The following MBTPS1 variants were observed in gnomAD, a reference collection of about 807,000 sequenced individuals.
The protein encoded by MBTPS1 is membrane-bound transcription factor site-1 protease.
MBTPS1 carries 94 observed loss-of-function variants against 127.8 expected under a neutral mutation model. The ratio of observed to expected loss-of-function variants is 0.74; its 90% CI spans 0.62 to 0.87. MBTPS1 has a LOEUF of 0.87. Among genes scored for constraint, MBTPS1 ranks in the 40% least tolerant of loss-of-function variants. The probability of loss-of-function intolerance (pLI) is 0.00; values close to 1 mark genes in which losing one functional copy is unlikely to be tolerated. For synonymous variants in MBTPS1, 632 were observed against 509.4 expected (o/e 1.24, Z -3.24); for missense variants, 1,636 against 1,353.2 (o/e 1.21, Z -3.28).
chr16:84,067,773 C>T lies in MBTPS1; in HGVS notation c.2122G>A (p.Ala708Thr), dbSNP rs768994789. The T allele has an allele frequency of 6.2e-6, 10 of 1,614,040 alleles. No homozygotes were observed. The South Asian group carries it at 7.7e-5, about 12-fold the overall frequency. ...TTGTCCACGTCCCTCCGGAGCTTGG[C>T]GATCTCTTCAGGGAAGTACTCCTCC... is the stretch of plus-strand genomic sequence containing the variant. ...SEEEYFPEEI[A>T]KLRRDVDNGL... The change falls in exon 16 of 23, where the codon GCC (alanine) becomes ACC (threonine). Residue 708 changes from alanine to threonine, a missense_variant. Ala to Thr is a moderately conservative substitution (Grantham distance 58). Transcript: ENST00000343411.
At chr16:84,099,858 T>A (rs2151167840) in intron 2 of MBTPS1, among the ~76,000 whole-genome samples, 1 of 152,230 alleles carries the variant, frequency 6.6e-6, no homozygotes, top group African/African-American at 2.4e-5. Flanking sequence ...TGATATTTTT[T>A]TAAAAAGCAA....
chr16:84,079,424 G>A (rs945964008), intron 11 of MBTPS1, among the ~76,000 whole-genome samples: 3 of 152,036 alleles, frequency 2.0e-5, no homozygotes, highest in Admixed American at 6.6e-5. Context: ...ATACAAACAC[G>A]AATAAATGAG....
intron 2 of MBTPS1, among the ~76,000 whole-genome samples, chr16:84,100,488 G>A (rs572630911): frequency 6.6e-6 from 1 of 152,106 alleles, no homozygotes; most frequent in East Asian, 1.9e-4. Flanking sequence ...AGGTTGCGGT[G>A]AGCTGAGATG....
At chr16:84,080,340 C>T (rs550390971) in intron 11 of MBTPS1, among the ~76,000 whole-genome samples, 12 of 152,342 alleles carry the variant, frequency 7.9e-5, no homozygotes, top group Admixed American at 7.2e-4. Context: ...CAGGAGTAAT[C>T]ACCAAAGGCA....
chr16:84,095,246 T>G (rs2086162984), intron 4 of MBTPS1, among the ~76,000 whole-genome samples: 1 of 152,222 alleles, frequency 6.6e-6, no homozygotes, highest in Non-Finnish European at 1.5e-5. Context: ...GGCCTGTCGG[T>G]CAGCGCCAGT....
chr16:84,107,064 G>A (rs2086333705), intron 1 of MBTPS1, among the ~76,000 whole-genome samples: 1 of 152,162 alleles, frequency 6.6e-6, no homozygotes, highest in African/African-American at 2.4e-5. Flanking sequence ...AGGGTCAAGG[G>A]CACGGCTTAG....
intron 1 of MBTPS1, among the ~76,000 whole-genome samples, chr16:84,114,591 G>A (rs1567510530): frequency 6.6e-6 from 1 of 151,784 alleles, no homozygotes; most frequent in East Asian, 2.0e-4. Context: ...AGCACTTTGG[G>A]AGGCCGACGC....
At position 84,091,022 on chromosome 16, in the gene MBTPS1, A is replaced by G. The variant is rs960955339; in HGVS notation, c.964-80T>C. The G allele has an allele frequency of 9.1e-6, 9 of 991,172 alleles. No individual in the cohort carries two copies. In the African/African-American group the frequency reaches 1.2e-4, roughly 13 times the overall value. The allele number at this position is 991,172 out of a possible 1,614,324, so 61.4% of individuals were successfully genotyped here. On this transcript the variant is annotated intron_variant, in intron 7 of 22. Coordinates refer to ENST00000343411, the MANE Select transcript of MBTPS1 (RefSeq NM_003791.4). ...GTCAAAAAAAAAAAAAAAACCATACACAACGTCTAAAAACAGTTCTAAAAA... is the reference window on the plus strand; with the variant it reads ...GTCAAAAAAAAAAAAAAAACCATACGCAACGTCTAAAAACAGTTCTAAAAA...
chr16:84,057,832 G>A (rs933866645), intron 21 of MBTPS1: 1 of 152,234 alleles, frequency 6.6e-6, no homozygotes, highest in African/African-American at 2.4e-5. Context: ...CATGCTGGAT[G>A]GGCCGGTTCA....
At chr16:84,105,544 G>T (rs920045935) in intron 1 of MBTPS1, among the ~76,000 whole-genome samples, 1 of 152,142 alleles carries the variant, frequency 6.6e-6, no homozygotes, top group African/African-American at 2.4e-5. Context: ...GGGCGTGAGG[G>T]AGGGAGGAGC....
Position 84,081,845 on chromosome 16 carries a change from G to A in MBTPS1, c.1350C>T (p.Ala450=). 1.3e-6 allele frequency: 2 copies of A among 1,530,948 alleles called. No individual in the cohort carries two copies. Among genetic ancestry groups the A allele is most frequent in the Non-Finnish European group, 1.8e-6 (2 of 1,136,964 alleles). The allele number at this position is 1,530,948 out of a possible 1,614,324, so 94.8% of individuals were successfully genotyped here. A position where few individuals can be genotyped will look rare whatever the true frequency, so the allele number is the denominator to read the frequency against. The change falls in exon 11 of 23, where the codon GCC becomes GCT. Residue 450 remains alanine (A), a synonymous_variant. Transcript: ENST00000343411. ...ASMKQALIAS[A]RRLPGVNMFE... ...ACATGTTGACCCCGGGGAGCCTCCG[G>A]GCTGACGCGATCAGGGCCTGCTTCA...
chr16:84,109,839 C>T (rs1019343952), intron 1 of MBTPS1, among the ~76,000 whole-genome samples: 2 of 152,146 alleles, frequency 1.3e-5, no homozygotes, highest in Non-Finnish European at 2.9e-5. Context: ...AGTGATGTAT[C>T]AAGACTAATT....
At chr16:84,103,353 G>A (rs1160928654) in intron 1 of MBTPS1, among the ~76,000 whole-genome samples, 1 of 151,480 alleles carries the variant, frequency 6.6e-6, no homozygotes, top group Non-Finnish European at 1.5e-5. Flanking sequence ...CAACTTCCTG[G>A]GCTCAAGCAA....
chr16:84,056,147 T>C lies in MBTPS1; in HGVS notation c.2832-12A>G, dbSNP rs781612737. 1.9e-6 allele frequency: 3 copies of C among 1,612,252 alleles called. No individual in the cohort carries two copies. Among genetic ancestry groups the C allele is most frequent in the South Asian group, 2.2e-5 (2 of 91,020 alleles). The stretch of plus-strand genomic sequence containing the variant: ...GTTTCCAAAGGTTACTTCAGGAAAA[T>C]GGATTAAAACAAAACAAAAATAAGC... On this transcript the variant is annotated splice_polypyrimidine_tract_variant and intron_variant, in intron 21 of 22. Coordinates refer to ENST00000343411, the MANE Select transcript of MBTPS1 (RefSeq NM_003791.4).
At chr16:84,067,507 C>T (rs58288861) in intron 16 of MBTPS1, among the ~76,000 whole-genome samples, 160 bp downstream of exon 16, 3,984 of 152,200 alleles carry the variant, frequency 0.026, 159 homozygotes, top group African/African-American at 0.091. Flanking sequence ...CGTGAGCAAC[C>T]GCACTCAGTC....
At chr16:84,056,195 G>A in intron 21 of MBTPS1, 60 bp from the exon 22 acceptor site, 1 of 1,424,924 alleles carries the variant, frequency 7.0e-7, no homozygotes, top group Non-Finnish European at 9.8e-7. Context: ...CTAGGTACTA[G>A]TCTAGGAAGT....
rs1371219770 is a variant in MBTPS1 at position 84,107,364 on chromosome 16, T to G, written c.-324-5257A>C. On this transcript the variant is annotated intron_variant, in intron 1 of 22. Coordinates refer to ENST00000343411, the MANE Select transcript of MBTPS1 (RefSeq NM_003791.4). ...TGGCTGGAAGGAAGGTGCCTTCAAG[T>G]GTAAAAATCCCATGGGGATGAATGA... Among the ~76,000 whole-genome samples the G allele has an allele frequency of 3.3e-5, 5 of 151,964 alleles. No homozygotes were observed. The South Asian group carries it at 1.0e-3, about 32-fold the overall frequency.
chr16:84,112,674 A>AC (rs1473360478), intron 1 of MBTPS1, among the ~76,000 whole-genome samples: 5 of 150,262 alleles, frequency 3.3e-5, no homozygotes, highest in East Asian at 3.9e-4. Flanking sequence ...AAAAAACAAA[A>AC]AAAAACAAAA....
intron 11 of MBTPS1, among the ~76,000 whole-genome samples, chr16:84,075,869 T>C (rs181594928): frequency 4.6e-5 from 7 of 152,280 alleles, no homozygotes; most frequent in Admixed American, 2.0e-4. Flanking sequence ...GAAAAGGAAA[T>C]AGGTACTACC....
Sources: gnomAD v4.1 joint callset for allele counts (sites outside exome capture counted in the v4.1 genomes callset) on GRCh38, gnomAD v4.1.1 for gene constraint, MANE v1.5 for transcripts, NCBI Gene and HGNC (gene_info 2026-07-23, HGNC 2026-07-21) for gene names.